Variants in SIPA1L2 observed in about 807,000 individuals in gnomAD.
SIPA1L2 encodes signal induced proliferation associated 1 like 2.
Under a neutral mutation model 163.9 loss-of-function variants are expected in SIPA1L2, and 56 were observed. The observed-to-expected ratio is 0.34, with a 90% CI of 0.28 to 0.43. The LOEUF is 0.43. Ranked by LOEUF, SIPA1L2 falls within the 20% of genes least tolerant of loss-of-function variation. The pLI, the probability that SIPA1L2 is intolerant of heterozygous loss-of-function variation, is 1.00. For synonymous variants in SIPA1L2, 877 were observed against 865.7 expected, an observed-to-expected ratio of 1.01 and a Z score of -0.23; for missense variants, 1,974 against 2,193.5, an observed-to-expected ratio of 0.90 and a Z score of 2.00.
At chr1:232,426,609 G>A (rs751880140) in intron 17 of SIPA1L2, among the ~76,000 whole-genome samples, 12 of 152,216 alleles carry the variant, frequency 7.9e-5, no homozygotes, top group Admixed American at 3.9e-4. Context: ...GCAGTGAGCC[G>A]AGATCGTGCC....
At chr1:232,441,259 G>T (rs1369307823) in intron 14 of SIPA1L2, 32 bp downstream of exon 14, 1 of 1,533,048 alleles carries the variant, frequency 6.5e-7, no homozygotes, top group Non-Finnish European at 8.9e-7. Context: ...TCCTGGCTAG[G>T]CCAGTGAAGG....
chr1:232,403,289 C>T (rs1660452454), intron 21 of SIPA1L2, among the ~76,000 whole-genome samples, 159 bp downstream of exon 21: 1 of 152,182 alleles, frequency 6.6e-6, no homozygotes, highest in Non-Finnish European at 1.5e-5. Context: ...GGCAGGGAGC[C>T]AAGTAGTCCC....
At chr1:232,497,891 G>A (rs1558224289) in intron 3 of SIPA1L2, among the ~76,000 whole-genome samples, 1 of 152,200 alleles carries the variant, frequency 6.6e-6, no homozygotes, top group South Asian at 2.1e-4. Flanking sequence ...ATCATCCCAA[G>A]CTTCCTCCAG....
intron 22 of SIPA1L2, 109 bp downstream of exon 22, chr1:232,402,283 T>C: frequency 1.2e-6 from 1 of 864,728 alleles, no homozygotes; most frequent in Non-Finnish European, 1.7e-6. Flanking sequence ...TCATTGGTTT[T>C]TGTGTAAGGC....
Position 232,479,733 on chromosome 1 carries a change from G to A in SIPA1L2, c.1982-3C>T. The A allele has an allele frequency of 1.9e-6, 3 of 1,611,490 alleles. No homozygotes were observed. The highest frequency in any genetic ancestry group is 2.5e-6 in the Non-Finnish European group (3 of 1,177,882). ...AGAGTGCGTGCCCGTGGAATCAGCT[G>A]AAAACAAAGATGAATTACAGAAGCA... On this transcript the variant is annotated splice_polypyrimidine_tract_variant and splice_region_variant and intron_variant, in intron 6 of 22. Transcript: ENST00000674635.
intron 18 of SIPA1L2, 149 bp downstream of exon 18, chr1:232,425,440 G>C (rs958098654): frequency 2.2e-5 from 13 of 589,488 alleles, no homozygotes; most frequent in Non-Finnish European, 3.4e-5. Context: ...TTCTATATTT[G>C]AAAATTATTT....
At chr1:232,456,971 C>T (rs2102906382) in intron 10 of SIPA1L2, among the ~76,000 whole-genome samples, 1 of 152,296 alleles carries the variant, frequency 6.6e-6, no homozygotes, top group East Asian at 1.9e-4. Flanking sequence ...TCTCCCTGCT[C>T]AGTGTTCCCT....
intron 12 of SIPA1L2, among the ~76,000 whole-genome samples, chr1:232,442,606 C>T (rs1662974352): frequency 6.7e-6 from 1 of 148,222 alleles, no homozygotes; most frequent in African/African-American, 2.5e-5. Context: ...TCCAAGTAGA[C>T]TTTGTTTTAT....
chr1:232,542,158 G>C (rs1657724615), intron 2 of SIPA1L2, among the ~76,000 whole-genome samples: 1 of 152,152 alleles, frequency 6.6e-6, no homozygotes, highest in Non-Finnish European at 1.5e-5. Context: ...ATGTAACCCT[G>C]GGAAAGTCGC....
rs764187774 is a variant in SIPA1L2 at position 232,439,455 on chromosome 1, C to T, written c.3684G>A (p.Thr1228=). The change falls in exon 15 of 23, where the codon ACG becomes ACA. Residue 1228 remains threonine (T), a synonymous_variant. Transcript: ENST00000674635. ...TGTTGCTGGAGGTGTTGCTGGAGAG[C>T]GTGTTGCTGCTGGAGTGACTGGAGC... ...KSCSSHSSSN[T]LSSNTSSNSD... 6.5e-5 allele frequency: 105 copies of T among 1,614,004 alleles called. No homozygotes were observed. Among genetic ancestry groups the T allele is most frequent in the African/African-American group, 9.3e-5 (7 of 74,934 alleles).
intron 16 of SIPA1L2, among the ~76,000 whole-genome samples, chr1:232,429,698 G>C (rs1046155824): frequency 2.0e-5 from 3 of 151,740 alleles, no homozygotes; most frequent in Middle Eastern, 3.2e-3. Flanking sequence ...AAAAATGGGA[G>C]CTACAAGAAG....
intron 5 of SIPA1L2, among the ~76,000 whole-genome samples, chr1:232,486,834 T>C (rs1049130690): frequency 1.3e-5 from 2 of 152,202 alleles, no homozygotes; most frequent in Non-Finnish European, 2.9e-5. Context: ...TCCCGGGGTA[T>C]ATCAGAAGGC....
chr1:232,612,105 G>C (rs146568377), intron 1 of SIPA1L2, among the ~76,000 whole-genome samples: 136 of 152,330 alleles, frequency 8.9e-4, no homozygotes, highest in Non-Finnish European at 1.5e-3. Flanking sequence ...GCTTCCACAT[G>C]GTGTCGAGCT....
intron 3 of SIPA1L2, among the ~76,000 whole-genome samples, chr1:232,497,212 G>T (rs1666240981): frequency 1.3e-5 from 2 of 152,308 alleles, no homozygotes; most frequent in South Asian, 4.1e-4. Context: ...ACGTTCTGAG[G>T]TCACAAAGCT....
chr1:232,544,008 C>A (rs1300126346), intron 2 of SIPA1L2, among the ~76,000 whole-genome samples: 1 of 152,188 alleles, frequency 6.6e-6, no homozygotes. Context: ...AACTGTACTT[C>A]AGAAAGACTG....
chr1:232,455,410 C>G (rs911564519), intron 10 of SIPA1L2, among the ~76,000 whole-genome samples: 4 of 152,074 alleles, frequency 2.6e-5, no homozygotes, highest in Non-Finnish European at 1.5e-5. Flanking sequence ...GGCCGGGTGC[C>G]GTGGCTCACG....
Position 232,490,876 on chromosome 1 carries a change from C to T in SIPA1L2, c.1804G>A (p.Gly602Arg). ...ATACAATCTCACATTATACACACCC[C>T]TTGTTCATCAAGCTTGAGCAGCTGC... ...SEQLLKLDEQ[G>R]LSFQHKIGIL... The change falls in exon 5 of 23, where the codon GGG (glycine) becomes AGG (arginine). Residue 602 changes from glycine (G) to arginine (R), a missense_variant and splice_region_variant. By Grantham distance (125) the Gly-to-Arg change is moderately radical. Coordinates refer to ENST00000674635, the MANE Select transcript of SIPA1L2 (RefSeq NM_020808.5). The T allele has an allele frequency of 1.2e-6, 2 of 1,613,088 alleles. No homozygotes were observed. The highest frequency in any genetic ancestry group is 1.7e-6 in the Non-Finnish European group (2 of 1,179,594).
intron 7 of SIPA1L2, among the ~76,000 whole-genome samples, chr1:232,477,923 CG>C (rs1264630665): frequency 6.6e-6 from 1 of 152,082 alleles, no homozygotes. Context: ...TACTCGATGA[CG>C]GGGGTCAAAA....
chr1:232,431,798 C>T (rs1164345907), intron 16 of SIPA1L2, among the ~76,000 whole-genome samples: 5 of 152,200 alleles, frequency 3.3e-5, no homozygotes, highest in African/African-American at 7.2e-5. Flanking sequence ...GTGCCCACCA[C>T]GCCCCCCTCA....
Sources: allele counts gnomAD v4.1 joint callset (sites outside exome capture counted in the v4.1 genomes callset), GRCh38; gene constraint gnomAD v4.1.1; transcripts MANE v1.5; gene names NCBI Gene and HGNC (gene_info 2026-07-23, HGNC 2026-07-21).